Variants in PDE4A observed in about 807,000 individuals in gnomAD.
PDE4A encodes the protein phosphodiesterase 4A.
A neutral mutation model predicts 73.9 loss-of-function variants in PDE4A; 21 were observed. That is an observed-to-expected ratio of 0.28 (90% CI 0.20 to 0.41). The LOEUF (loss-of-function observed/expected upper bound fraction) is 0.41. PDE4A is among the 10% of genes least tolerant of loss of function. The pLI, the probability that PDE4A is intolerant of heterozygous loss-of-function variation, is 1.00. For missense variants in PDE4A, 958 were observed against 1,211.4 expected (o/e 0.79, Z 3.10); for synonymous variants, 463 against 505.4 (o/e 0.92, Z 1.13).
At position 10,461,404 on chromosome 19, in the gene PDE4A, A is replaced by G. The variant is rs1471671376; in HGVS notation, c.1466-122A>G. The G allele has an allele frequency of 2.3e-5, 35 of 1,506,410 alleles. No homozygotes were observed. The African/African-American group carries it at 4.4e-4, about 19-fold the overall frequency. The allele number at this position is 1,506,410 out of a possible 1,614,324, so 93.3% of individuals were successfully genotyped here. ...GGATGGCCGGGCTGGGGTAGAGCTG[A>G]CTGGGCTGGAGGCGAGGCTGGCCGG... is the stretch of plus-strand genomic sequence containing the variant. On this transcript the variant is annotated intron_variant, in intron 11 of 14. Transcript: ENST00000380702.
At position 10,467,528 on chromosome 19, in the gene PDE4A, G is replaced by A; in HGVS notation, c.2568G>A (p.Lys856=). 6.2e-7 allele frequency: 1 copy of A among 1,612,728 alleles called. No individual in the cohort carries two copies. Among genetic ancestry groups the A allele is most frequent in the Non-Finnish European group, 8.5e-7 (1 of 1,179,828 alleles). The change falls in exon 15 of 15, where the codon AAG becomes AAA. Residue 856 remains lysine (K), a synonymous_variant. Coordinates refer to ENST00000380702, the MANE Select transcript of PDE4A (RefSeq NM_001111307.2). ...VEAQREHQAA[K]RACSACAGTF... is the part of the protein sequence containing the mutation. ...CCCAACGAGAGCACCAGGCTGCCAA[G>A]AGGGCTTGCAGTGCCTGCGCAGGGA...
At chr19:10,441,505 C>G (rs1407156166) in intron 1 of PDE4A, among the ~76,000 whole-genome samples, 1 of 152,010 alleles carries the variant, frequency 6.6e-6, no homozygotes, top group Non-Finnish European at 1.5e-5. Context: ...CATCCTTCCA[C>G]CTCAGCCTCT....
chr19:10,441,090 G>GTGCGATCACAGCTCACTCA (rs369817861), intron 1 of PDE4A, among the ~76,000 whole-genome samples: 17 of 151,962 alleles, frequency 1.1e-4, no homozygotes, highest in African/African-American at 4.1e-4. Flanking sequence ...GAGTGCAGTG[G>GTGCGATCACAGCTCACTCA]TGCGATCACA....
chr19:10,466,751 C>T (rs1382126017), intron 14 of PDE4A, 136 bp from the exon 15 acceptor site: 6 of 1,390,884 alleles, frequency 4.3e-6, no homozygotes, highest in Non-Finnish European at 4.8e-6. Context: ...GCCTCAGCCT[C>T]CCAAAGTGCT....
At chr19:10,460,176 C>A (rs2043239901) in intron 10 of PDE4A, among the ~76,000 whole-genome samples, 1 of 151,218 alleles carries the variant, frequency 6.6e-6, no homozygotes, top group Non-Finnish European at 1.5e-5. Context: ...AGCCACTGTG[C>A]CCGGTCAAAA....
At chr19:10,446,114 C>T in intron 1 of PDE4A, 104 bp from the exon 2 acceptor site, 1 of 1,463,756 alleles carries the variant, frequency 6.8e-7, no homozygotes. Flanking sequence ...GCTGGGATTA[C>T]AGGCATTACA....
chr19:10,456,831 A>T (rs938987394), intron 7 of PDE4A, among the ~76,000 whole-genome samples: 2 of 152,206 alleles, frequency 1.3e-5, no homozygotes, highest in Non-Finnish European at 2.9e-5. Flanking sequence ...CAAACTCAGG[A>T]TAATTTAATC....
intron 14 of PDE4A, chr19:10,464,394 C>T (rs1360941833): frequency 4.4e-6 from 2 of 455,346 alleles, no homozygotes; most frequent in Admixed American, 4.7e-5. Flanking sequence ...CTGCGCCCAG[C>T]CTCCTGTTTT....
At chr19:10,452,865 ACC>A in intron 6 of PDE4A, 1 of 243,732 alleles carries the variant, frequency 4.1e-6, no homozygotes, top group Non-Finnish European at 6.6e-6. Context: ...CCCCTTTAAT[ACC>A]CCCCCACCCC....
intron 6 of PDE4A, among the ~76,000 whole-genome samples, chr19:10,451,188 A>G (rs960172429): frequency 1.3e-5 from 2 of 151,942 alleles, no homozygotes; most frequent in African/African-American, 4.8e-5. Flanking sequence ...GCCGAGGCCA[A>G]CTATTGGGCG....
chr19:10,416,825 C>T, upstream of PDE4A: 1 of 1,528,896 alleles, frequency 6.5e-7, no homozygotes. Flanking sequence ...GTTCTAGGCC[C>T]GACCGGCAGG....
intron 1 of PDE4A, among the ~76,000 whole-genome samples, chr19:10,426,150 G>A (rs1342610228): frequency 6.6e-6 from 1 of 151,862 alleles, no homozygotes; most frequent in Non-Finnish European, 1.5e-5. Context: ...GGGCAGCATG[G>A]TGAGACCCTA....
chr19:10,448,587 G>A (rs2043045506), intron 2 of PDE4A, among the ~76,000 whole-genome samples: 2 of 150,772 alleles, frequency 1.3e-5, no homozygotes, highest in Admixed American at 6.6e-5. Flanking sequence ...AGTGAGCTGA[G>A]ATCATGCCAC....
chr19:10,457,487 C>T (rs1167145675), intron 7 of PDE4A, among the ~76,000 whole-genome samples: 1 of 149,268 alleles, frequency 6.7e-6, no homozygotes, highest in Non-Finnish European at 1.5e-5. Context: ...CTCTCTCTTC[C>T]CAGTGATGCC....
chr19:10,432,089 GC>G (rs1390936503), intron 1 of PDE4A, among the ~76,000 whole-genome samples: 1 of 151,622 alleles, frequency 6.6e-6, no homozygotes, highest in Non-Finnish European at 1.5e-5. Flanking sequence ...GGGGGGAAAG[GC>G]GGGGCCGGAG....
Position 10,453,205 on chromosome 19 carries a change from C to G in PDE4A, c.784-1624C>G. 6.4e-7 allele frequency: 1 copy of G among 1,552,820 alleles called. No individual in the cohort carries two copies. The highest frequency in any genetic ancestry group is 8.7e-7 in the Non-Finnish European group (1 of 1,148,964). On this transcript the variant is annotated intron_variant, in intron 6 of 14. Coordinates refer to ENST00000380702, the MANE Select transcript of PDE4A (RefSeq NM_001111307.2). This position sits in a 1 kb window ranked among gnomAD's most constrained non-coding sequence, Gnocchi z 4.6. ...CCCCCTCCCCAGTGGTTGTTAACCC[C>G]GGGACTCCCCAAGCCCAGCCTCTGT...
upstream of PDE4A, among the ~76,000 whole-genome samples, chr19:10,418,549 C>A: frequency 6.6e-6 from 1 of 151,878 alleles, no homozygotes. Context: ...TCTCTGTTTC[C>A]GTCATGGTCC....
At chr19:10,423,250 C>G (rs2042674214) in intron 1 of PDE4A, 2 of 479,590 alleles carry the variant, frequency 4.2e-6, no homozygotes, top group African/African-American at 4.4e-5. Context: ...CCTCTGCCTT[C>G]CGGATTCAAG....
chr19:10,463,850 C>G lies in PDE4A; in HGVS notation c.1801C>G (p.Leu601Val). ...CAGCAACCCCACCAAGCCGCTGGAG[C>G]TGTACCGCCAGTGGACAGACCGCAT... ...DLSNPTKPLE[L>V]YRQWTDRIMA... The change falls in exon 14 of 15, where the codon CTG becomes GTG. Residue 601 changes from leucine (L) to valine (V), a missense_variant. Transcript: ENST00000380702. 2 of 1,614,206 alleles carry G rather than the reference C, an allele frequency of 1.2e-6. No homozygotes were observed. The highest frequency in any genetic ancestry group is 1.7e-6 in the Non-Finnish European group (2 of 1,180,052).
Sources: gnomAD v4.1 joint callset for allele counts (sites outside exome capture counted in the v4.1 genomes callset) on GRCh38, gnomAD v4.1.1 for gene constraint, Gnocchi (gnomAD v3.1) non-coding constraint, MANE v1.5 for transcripts, NCBI Gene and HGNC (gene_info 2026-07-23, HGNC 2026-07-21) for gene names.